The following SGK1 variants were observed in gnomAD, a reference collection of about 807,000 sequenced individuals.
The protein encoded by SGK1 is serum/glucocorticoid regulated kinase 1, also known as serine/threonine-protein kinase Sgk1.
In SGK1, 26 loss-of-function variants were observed where a neutral mutation model predicts 64.2. That is an observed-to-expected ratio of 0.40 (90% CI 0.30 to 0.56). The LOEUF (loss-of-function observed/expected upper bound fraction) is 0.56, where lower values mean the gene tolerates loss of function less well. Among genes scored for constraint, SGK1 ranks in the 20% least tolerant of loss-of-function variants. The pLI is 0.38. For missense variants in SGK1, 519 were observed against 645.6 expected, an observed-to-expected ratio of 0.80 and a Z score of 2.12; for synonymous variants, 265 against 239.7, an observed-to-expected ratio of 1.11 and a Z score of -0.98.
chr6:134,231,340 C>T (rs1678788654), intron 2 of SGK1, among the ~76,000 whole-genome samples: 1 of 152,180 alleles, frequency 6.6e-6, no homozygotes, highest in Admixed American at 6.5e-5. Context: ...TCTTTCTCCA[C>T]CCTGTAAAAA....
chr6:134,300,554 AG>A (rs1206891746), intron 1 of SGK1, among the ~76,000 whole-genome samples: 99 of 148,276 alleles, frequency 6.7e-4, no homozygotes, highest in African/African-American at 2.1e-3. Flanking sequence ...AAAAAAAAAA[AG>A]AAAGAAAGAT....
intron 2 of SGK1, among the ~76,000 whole-genome samples, chr6:134,217,323 C>T (rs941694062): frequency 2.0e-5 from 3 of 152,188 alleles, no homozygotes; most frequent in African/African-American, 7.2e-5. Context: ...GCTCCAGCAA[C>T]AGGAGGAAGC....
In SGK1 at chr6:134,238,891, C is replaced by T. The variant is rs368766165; in HGVS notation, c.285+23042G>A. ...GACTTGAGAATTAGATCGTCTCAGA[C>T]GGCCACCAATCTATTTTTCAGAACA... On this transcript the variant is annotated intron_variant, in intron 2 of 13. Transcript: ENST00000367858. Among the ~76,000 whole-genome samples, 8 of 152,170 alleles carry T rather than the reference C, an allele frequency of 5.3e-5. 1 individual carries two copies. The East Asian group carries it at 1.2e-3, about 22-fold the overall frequency.
intron 3 of SGK1, among the ~76,000 whole-genome samples, chr6:134,178,557 T>A (rs924773931): frequency 2.0e-5 from 3 of 152,332 alleles, no homozygotes; most frequent in East Asian, 3.9e-4. Context: ...GTCCAGATAG[T>A]CCTCCTACTG....
chr6:134,232,137 C>A (rs538066659), intron 2 of SGK1, among the ~76,000 whole-genome samples: 1 of 151,690 alleles, frequency 6.6e-6, no homozygotes, highest in Non-Finnish European at 1.5e-5. Context: ...GCCTATAATC[C>A]CAACACTTTG....
chr6:134,299,300 G>T (rs1278222700), intron 1 of SGK1, among the ~76,000 whole-genome samples: 2 of 152,108 alleles, frequency 1.3e-5, no homozygotes, highest in Non-Finnish European at 2.9e-5. Flanking sequence ...GTGAGGTCGA[G>T]GATGCAGTGA....
intron 3 of SGK1, among the ~76,000 whole-genome samples, chr6:134,187,235 G>C (rs1254257983): frequency 2.0e-5 from 3 of 152,122 alleles, no homozygotes; most frequent in Non-Finnish European, 4.4e-5. Flanking sequence ...AGAGGCATGA[G>C]GATCCCAAAG....
At chr6:134,230,056 C>T (rs958162962) in intron 2 of SGK1, among the ~76,000 whole-genome samples, 1 of 152,056 alleles carries the variant, frequency 6.6e-6, no homozygotes, top group Non-Finnish European at 1.5e-5. Flanking sequence ...CAGGACTTGA[C>T]CTTACAATAA....
intron 1 of SGK1, among the ~76,000 whole-genome samples, chr6:134,309,410 T>A (rs1354141666): frequency 6.6e-6 from 1 of 152,160 alleles, no homozygotes; most frequent in Non-Finnish European, 1.5e-5. Flanking sequence ...TCCTCCACTT[T>A]CCCACATGGT....
intron 3 of SGK1, among the ~76,000 whole-genome samples, chr6:134,188,285 A>G (rs903357663): frequency 8.6e-5 from 13 of 151,842 alleles, no homozygotes; most frequent in African/African-American, 3.1e-4. Context: ...TTTGTCACCA[A>G]TTTTCCAATC....
intron 2 of SGK1, among the ~76,000 whole-genome samples, chr6:134,225,230 G>A (rs1776155326): frequency 1.3e-5 from 2 of 150,138 alleles, no homozygotes; most frequent in East Asian, 2.0e-4. Flanking sequence ...GCATGCCTGT[G>A]ATCCCAGCTA....
chr6:134,264,121 C>CT (rs61245102), intron 1 of SGK1, among the ~76,000 whole-genome samples: 17,503 of 140,150 alleles, frequency 0.12, 1,281 homozygotes, highest in African/African-American at 0.21. Context: ...TCTTTTCTTT[C>CT]TTTTTTTTTT....
chr6:134,173,195 T>G, intron 7 of SGK1, 41 bp from the exon 8 acceptor site: 2 of 1,610,334 alleles, frequency 1.2e-6, no homozygotes, highest in South Asian at 1.1e-5. Flanking sequence ...ATGTTTCAAC[T>G]TGGCACCAAC....
At chr6:134,316,191 G>A (rs1260879445) in intron 1 of SGK1, among the ~76,000 whole-genome samples, 3 of 152,216 alleles carry the variant, frequency 2.0e-5, no homozygotes, top group African/African-American at 7.2e-5. Flanking sequence ...CCCTCTAGCT[G>A]GGCCTGACAT....
rs988898934 is a variant in SGK1, at chr6:134,298,592, G to C, written c.69+18800C>G. On this transcript the variant is annotated intron_variant, in intron 1 of 13. Coordinates refer to ENST00000367858, the MANE Select transcript of SGK1 (RefSeq NM_001143676.3). ...TGCTGCCCACTCAGGAGGAGCTTGA[G>C]GAGCTGATGCAGGTACTGGGCCCAC... 11 of 978,624 alleles carry C rather than the reference G, an allele frequency of 1.1e-5. No individual in the cohort carries two copies. The African/African-American group carries it at 1.8e-4, about 16-fold the overall frequency. The allele number at this position is 978,624 out of a possible 1,614,324, so 60.6% of individuals were successfully genotyped here. A position where few individuals can be genotyped will look rare whatever the true frequency, so the allele number is the denominator to read the frequency against.
chr6:134,261,686 G>A (rs887149822), intron 2 of SGK1: 14 of 603,490 alleles, frequency 2.3e-5, no homozygotes, highest in African/African-American at 7.4e-5. Context: ...GGGGACAAGC[G>A]TATATGGGTA....
intron 2 of SGK1, chr6:134,211,446 A>G (rs1265758720): frequency 6.4e-6 from 1 of 155,388 alleles, no homozygotes; most frequent in Non-Finnish European, 1.4e-5. Flanking sequence ...AGATGCATCA[A>G]TAGCAGCTCT....
chr6:134,250,744 T>C (rs1193417056), intron 2 of SGK1, among the ~76,000 whole-genome samples: 1 of 152,172 alleles, frequency 6.6e-6, no homozygotes, highest in East Asian at 1.9e-4. Flanking sequence ...TAAGAAATTA[T>C]CACTAAATCT....
At chr6:134,182,652 A>G (rs544584439) in intron 3 of SGK1, among the ~76,000 whole-genome samples, 1 of 152,346 alleles carries the variant, frequency 6.6e-6, no homozygotes, top group Non-Finnish European at 1.5e-5. Context: ...CCAACAAATC[A>G]AAACAATACA....
Sources: gnomAD v4.1 joint callset for allele counts (sites outside exome capture counted in the v4.1 genomes callset) on GRCh38, gnomAD v4.1.1 for gene constraint, MANE v1.5 for transcripts, NCBI Gene and HGNC (gene_info 2026-07-23, HGNC 2026-07-21) for gene names.